The following FAF1 variants were observed in gnomAD, a reference collection of about 807,000 sequenced individuals.
FAF1 encodes Fas associated factor 1, also known as FAS-associated factor 1.
FAF1 carries 25 observed loss-of-function variants against 92.5 expected under a neutral mutation model. The ratio of observed to expected loss-of-function variants is 0.27; its 90% confidence interval spans 0.20 to 0.38. The LOEUF (loss-of-function observed/expected upper bound fraction) is 0.38. Ranked by LOEUF, FAF1 falls within the 10% of genes least tolerant of loss-of-function variation. FAF1 has a pLI of 1.00. For missense variants in FAF1, 636 were observed against 793.3 expected, an observed-to-expected ratio of 0.80 and a Z score of 2.38; for synonymous variants, 234 against 273.2, an observed-to-expected ratio of 0.86 and a Z score of 1.42.
chr1:50,487,286 T>C (rs1646779833), intron 17 of FAF1, among the ~76,000 whole-genome samples: 1 of 152,206 alleles, frequency 6.6e-6, no homozygotes, highest in African/African-American at 2.4e-5. Context: ...TTTTCCTTTG[T>C]TTTGGCCCAA....
rs1644733628 is a variant in FAF1 at position 50,893,291 on chromosome 1, T to C, written c.46-35294A>G. On this transcript the variant is annotated intron_variant, in intron 1 of 18. Coordinates refer to ENST00000396153, the MANE Select transcript of FAF1 (RefSeq NM_007051.3). The stretch of plus-strand genomic sequence containing the variant: ...ATATATATGAGTTAGGTATTTACTG[T>C]AATTTTTGCATTCAGGGCTTCTTTG... Among the ~76,000 whole-genome samples, 5 of 152,310 alleles carry C rather than the reference T, an allele frequency of 3.3e-5. No homozygotes were observed. The South Asian group carries it at 1.0e-3, about 32-fold the overall frequency.
intron 17 of FAF1, among the ~76,000 whole-genome samples, chr1:50,488,243 CAT>C (rs962273835): frequency 6.6e-6 from 1 of 152,150 alleles, no homozygotes; most frequent in Non-Finnish European, 1.5e-5. Context: ...CAACCTCTCA[CAT>C]GTTAACAGCT....
chr1:50,588,059 G>T (rs1651324259), intron 9 of FAF1, among the ~76,000 whole-genome samples: 1 of 152,162 alleles, frequency 6.6e-6, no homozygotes, highest in Admixed American at 6.5e-5. Flanking sequence ...GGCCGAGGCA[G>T]GCGGATCACT....
chr1:50,765,036 C>T (rs1182439094), intron 4 of FAF1, among the ~76,000 whole-genome samples: 2 of 152,166 alleles, frequency 1.3e-5, no homozygotes, highest in Non-Finnish European at 2.9e-5. Flanking sequence ...ATGGATATTG[C>T]AAATGCTGCT....
At chr1:50,487,437 T>C (rs1210705858) in intron 17 of FAF1, among the ~76,000 whole-genome samples, 1 of 152,232 alleles carries the variant, frequency 6.6e-6, no homozygotes, top group East Asian at 1.9e-4. Context: ...TTTATTTCTA[T>C]ATCTACTCTT....
chr1:50,778,593 G>A (rs760864450), intron 4 of FAF1, among the ~76,000 whole-genome samples: 18 of 152,196 alleles, frequency 1.2e-4, no homozygotes, highest in Non-Finnish European at 1.3e-4. Flanking sequence ...ATGTTATTAA[G>A]AAATCCAAAA....
intron 2 of FAF1, among the ~76,000 whole-genome samples, chr1:50,809,206 T>G (rs919877881): frequency 6.6e-6 from 1 of 151,682 alleles, no homozygotes; most frequent in African/African-American, 2.4e-5. Flanking sequence ...CATCACACCT[T>G]GAATTAAAGA....
At chr1:50,732,013 G>A (rs1569852702) in intron 6 of FAF1, among the ~76,000 whole-genome samples, 1 of 151,836 alleles carries the variant, frequency 6.6e-6, no homozygotes, top group African/African-American at 2.4e-5. Flanking sequence ...GTGCTTTACG[G>A]GGTTATTAAA....
chr1:50,566,869 T>C (rs1044408908), intron 13 of FAF1, among the ~76,000 whole-genome samples: 2 of 152,146 alleles, frequency 1.3e-5, no homozygotes, highest in African/African-American at 2.4e-5. Context: ...CAGGTTATTC[T>C]TGAATTTAAA....
intron 12 of FAF1, among the ~76,000 whole-genome samples, chr1:50,582,104 A>G (rs1228216268): frequency 6.6e-6 from 1 of 152,198 alleles, no homozygotes; most frequent in East Asian, 1.9e-4. Context: ...TGTTAGATAT[A>G]TATCACTACA....
intron 8 of FAF1, among the ~76,000 whole-genome samples, chr1:50,647,014 T>C (rs1462133970): frequency 6.6e-6 from 1 of 151,902 alleles, no homozygotes; most frequent in East Asian, 1.9e-4. Context: ...CCCAGCTAAT[T>C]TTTTTTGTAT....
intron 4 of FAF1, among the ~76,000 whole-genome samples, chr1:50,771,670 G>A (rs2124547103): frequency 6.6e-6 from 1 of 152,304 alleles, no homozygotes; most frequent in East Asian, 1.9e-4. Context: ...GGAGGCCGAG[G>A]TGGGCAGATC....
chr1:50,788,969 C>G (rs934631007), intron 3 of FAF1, among the ~76,000 whole-genome samples: 1 of 152,096 alleles, frequency 6.6e-6, no homozygotes, highest in Non-Finnish European at 1.5e-5. Context: ...GTAGCTGGGA[C>G]TACACATGCA....
At chr1:50,721,729 T>G (rs1289785054) in intron 6 of FAF1, among the ~76,000 whole-genome samples, 5 of 152,006 alleles carry the variant, frequency 3.3e-5, no homozygotes, top group African/African-American at 1.2e-4. Context: ...CCTCAAGCAA[T>G]CCTTCCATCT....
chr1:50,837,768 G>C (rs1360450891), intron 2 of FAF1, among the ~76,000 whole-genome samples: 7 of 148,252 alleles, frequency 4.7e-5, no homozygotes, highest in African/African-American at 1.2e-4. Flanking sequence ...TTTTGAGACA[G>C]AGTCTCACTC....
At chr1:50,629,693 C>T (rs551342576) in intron 8 of FAF1, among the ~76,000 whole-genome samples, 1 of 152,278 alleles carries the variant, frequency 6.6e-6, no homozygotes, top group Non-Finnish European at 1.5e-5. Flanking sequence ...CCCTAAGCCT[C>T]AGTTCCTTAA....
At chr1:50,932,507 C>T (rs917629287) in intron 1 of FAF1, among the ~76,000 whole-genome samples, 6 of 152,240 alleles carry the variant, frequency 3.9e-5, no homozygotes, top group Admixed American at 3.3e-4. Context: ...TCAGGTCACA[C>T]GGATGCAAAA....
intron 4 of FAF1, among the ~76,000 whole-genome samples, chr1:50,768,195 T>C (rs1336255636): frequency 6.6e-6 from 1 of 151,880 alleles, no homozygotes; most frequent in African/African-American, 2.4e-5. Context: ...TAAAAAAAGA[T>C]AAAGAAGGGC....
intron 1 of FAF1, among the ~76,000 whole-genome samples, chr1:50,943,995 G>A (rs1645154596): frequency 6.6e-6 from 1 of 152,230 alleles, no homozygotes. Context: ...AGAACAGTGA[G>A]TCTAGTCCTT....
Sources: gnomAD v4.1 joint callset for allele counts (sites outside exome capture counted in the v4.1 genomes callset) on GRCh38, gnomAD v4.1.1 for gene constraint, MANE v1.5 for transcripts, NCBI Gene and HGNC (gene_info 2026-07-23, HGNC 2026-07-21) for gene names.